ADAD1: variants seen among roughly 807,000 people sequenced by gnomAD.
ADAD1 encodes adenosine deaminase domain containing 1.
ADAD1 carries 46 observed loss-of-function variants against 66.8 expected under a neutral mutation model. The observed-to-expected ratio is 0.69, with a 90% confidence interval of 0.54 to 0.88. The LOEUF (loss-of-function observed/expected upper bound fraction) is 0.88, where lower values mean the gene tolerates loss of function less well. ADAD1 is among the 40% of genes least tolerant of loss of function. ADAD1 has a pLI of 0.00. For missense variants in ADAD1, 617 were observed against 681.8 expected (o/e 0.91, Z 1.06); for synonymous variants, 248 against 229.4 (o/e 1.08, Z -0.73).
chr4:122,396,696 AAATAT>A (rs1795734075), intron 7 of ADAD1, among the ~76,000 whole-genome samples: 1 of 152,228 alleles, frequency 6.6e-6, no homozygotes, highest in East Asian at 1.9e-4. Context: ...GAAAAGATTG[AAATAT>A]GGAATCTTAT....
At chr4:122,396,842 T>C (rs1227966808) in intron 7 of ADAD1, among the ~76,000 whole-genome samples, 1 of 152,222 alleles carries the variant, frequency 6.6e-6, no homozygotes, top group Non-Finnish European at 1.5e-5. Context: ...ATAAATTATA[T>C]AGAAACAATT....
chr4:122,392,669 A>G (rs970266815), intron 5 of ADAD1, among the ~76,000 whole-genome samples: 1 of 152,184 alleles, frequency 6.6e-6, no homozygotes, highest in Non-Finnish European at 1.5e-5. Flanking sequence ...CCATTTAACA[A>G]ACCTACACAT....
At chr4:122,422,417 G>A (rs1428376867) in intron 12 of ADAD1, among the ~76,000 whole-genome samples, 1 of 152,128 alleles carries the variant, frequency 6.6e-6, no homozygotes, top group East Asian at 1.9e-4. Flanking sequence ...GAGCCACCGT[G>A]CCTGGCTGAC....
intron 7 of ADAD1, among the ~76,000 whole-genome samples, chr4:122,399,232 T>C (rs1176409171): frequency 6.6e-6 from 1 of 152,184 alleles, no homozygotes. Flanking sequence ...AGGATGTCCT[T>C]TCTCCACTTT....
chr4:122,420,949 A>G (rs1796974858), intron 11 of ADAD1, among the ~76,000 whole-genome samples: 1 of 152,232 alleles, frequency 6.6e-6, no homozygotes, highest in African/African-American at 2.4e-5. Context: ...ACCCATTTCC[A>G]GTGAATCCCT....
At chr4:122,415,273 T>C (rs1796677353) in intron 10 of ADAD1, 106 bp from the exon 11 acceptor site, 6 of 846,788 alleles carry the variant, frequency 7.1e-6, no homozygotes, top group African/African-American at 5.1e-5. Flanking sequence ...GGTTGAAAGA[T>C]AAAGGATAGA....
chr4:122,422,276 C>A (rs1396208190), intron 12 of ADAD1, among the ~76,000 whole-genome samples: 1 of 152,128 alleles, frequency 6.6e-6, no homozygotes, highest in South Asian at 2.1e-4. Flanking sequence ...AGGTGCACAC[C>A]ACCATGCTGG....
intron 12 of ADAD1, among the ~76,000 whole-genome samples, chr4:122,426,495 C>T (rs1009812185): frequency 2.0e-5 from 3 of 152,090 alleles, no homozygotes; most frequent in Non-Finnish European, 2.9e-5. Context: ...TCCAGTGTTA[C>T]CCTGGTACCA....
At chr4:122,399,326 C>T (rs556165031) in intron 7 of ADAD1, among the ~76,000 whole-genome samples, 1 of 151,734 alleles carries the variant, frequency 6.6e-6, no homozygotes, top group South Asian at 2.1e-4. Flanking sequence ...TTATTCTGTT[C>T]CATTATTCTG....
chr4:122,394,665 A>G (rs1561537193), intron 6 of ADAD1, among the ~76,000 whole-genome samples: 2 of 152,198 alleles, frequency 1.3e-5, no homozygotes. Flanking sequence ...GCAATGAGGG[A>G]TCAGTCCTAC....
At chr4:122,409,350 C>T (rs1288760163) in intron 8 of ADAD1, among the ~76,000 whole-genome samples, 1 of 151,922 alleles carries the variant, frequency 6.6e-6, no homozygotes, top group East Asian at 1.9e-4. Flanking sequence ...TTCTTTATTC[C>T]TACTAAATTA....
At chr4:122,408,076 A>C (rs368185298) in intron 8 of ADAD1, 45 bp downstream of exon 8, 1 of 1,551,502 alleles carries the variant, frequency 6.4e-7, no homozygotes, top group Non-Finnish European at 8.7e-7. Context: ...GAATGCCCTC[A>C]GCCCAAAGTA....
chr4:122,386,678 T>A (rs987153002), intron 5 of ADAD1, among the ~76,000 whole-genome samples: 1 of 152,222 alleles, frequency 6.6e-6, no homozygotes, highest in African/African-American at 2.4e-5. Flanking sequence ...GATTTTACAT[T>A]TAAGTCTTTA....
chr4:122,380,533 C>G (rs527736480), intron 3 of ADAD1: 128 of 393,468 alleles, frequency 3.3e-4, no homozygotes, highest in Middle Eastern at 7.0e-4. Flanking sequence ...TTACACTGGT[C>G]TGTATTCCAC....
intron 10 of ADAD1, among the ~76,000 whole-genome samples, chr4:122,415,112 G>A (rs565093557): frequency 1.3e-5 from 2 of 152,198 alleles, no homozygotes; most frequent in East Asian, 3.9e-4. Context: ...TTTCTGAGCA[G>A]CTGTGACTCT....
chr4:122,379,218 G>C (rs559900621), intron 1 of ADAD1, 103 bp downstream of exon 1: 4 of 152,426 alleles, frequency 2.6e-5, no homozygotes, highest in African/African-American at 7.2e-5. Flanking sequence ...AGGGCTGTAG[G>C]GGGGCACGGG....
chr4:122,397,197 A>G (rs1324043881), intron 7 of ADAD1, among the ~76,000 whole-genome samples: 1 of 152,222 alleles, frequency 6.6e-6, no homozygotes, highest in Non-Finnish European at 1.5e-5. Context: ...GAGTAATACA[A>G]AATGCAGTTA....
intron 5 of ADAD1, among the ~76,000 whole-genome samples, chr4:122,384,934 A>G (rs1163881751): frequency 1.3e-5 from 2 of 152,216 alleles, no homozygotes; most frequent in East Asian, 3.9e-4. Flanking sequence ...TGGTGCCTTA[A>G]TTACAACTAA....
In ADAD1 at chr4:122,383,925, T is replaced by C. The variant is rs764577977; in HGVS notation, c.488T>C (p.Leu163Pro). 1.2e-6 allele frequency: 2 copies of C among 1,613,390 alleles called. No homozygotes were observed. Among genetic ancestry groups the C allele is most frequent in the South Asian group, 1.1e-5 (1 of 90,824 alleles). ...NAAKLALDEL[L>P]QLDEPEPRIL... ...GCAAAATTAGCTCTTGATGAGCTTC[T>C]ACAACTGGATGAACCTGAACCACGA... Residue 163 changes from leucine to proline, a missense_variant, in exon 5 of 13, where the codon CTA becomes CCA. Coordinates refer to ENST00000296513, the MANE Select transcript of ADAD1 (RefSeq NM_139243.4).
Sources: gnomAD v4.1 joint callset for allele counts (sites outside exome capture counted in the v4.1 genomes callset) on GRCh38, gnomAD v4.1.1 for gene constraint, MANE v1.5 for transcripts, NCBI Gene and HGNC (gene_info 2026-07-23, HGNC 2026-07-21) for gene names.